Variants in MOXD1 observed in about 807,000 individuals in gnomAD.
The protein encoded by MOXD1 is monooxygenase DBH like 1.
In MOXD1, 62 loss-of-function variants were observed where a neutral mutation model predicts 66.6. That is an observed-to-expected ratio of 0.93 (90% CI 0.76 to 1.15). MOXD1 has a LOEUF of 1.15. MOXD1 is among the 50% of genes most tolerant of loss of function. The pLI, the probability that MOXD1 is intolerant of heterozygous loss-of-function variation, is 0.00. For synonymous variants in MOXD1, 303 were observed against 281.9 expected, an observed-to-expected ratio of 1.07 and a Z score of -0.75; for missense variants, 847 against 754.6, an observed-to-expected ratio of 1.12 and a Z score of -1.44.
intron 4 of MOXD1, among the ~76,000 whole-genome samples, chr6:132,352,911 G>A (rs1290498558): frequency 2.6e-5 from 4 of 152,038 alleles, no homozygotes; most frequent in Admixed American, 2.0e-4. Flanking sequence ...TTTAACTGCT[G>A]TTGCTTGTTG....
intron 8 of MOXD1, 123 bp downstream of exon 8, chr6:132,322,556 G>A (rs1353541724): frequency 3.4e-6 from 3 of 874,934 alleles, no homozygotes; most frequent in Middle Eastern, 3.5e-4. Flanking sequence ...CCCACAGTGG[G>A]TGGTGTTAAG....
chr6:132,332,107 A>G (rs1775332236), intron 4 of MOXD1, among the ~76,000 whole-genome samples: 1 of 152,220 alleles, frequency 6.6e-6, no homozygotes, highest in African/African-American at 2.4e-5. Flanking sequence ...AGACAGACCC[A>G]TGGCCTTTCA....
chr6:132,311,471 A>C (rs1774829202), intron 10 of MOXD1, among the ~76,000 whole-genome samples: 1 of 151,734 alleles, frequency 6.6e-6, no homozygotes, highest in South Asian at 2.1e-4. Context: ...GAAAAATATG[A>C]AAGTATAAAC....
chr6:132,384,979 C>T (rs1189028404), intron 1 of MOXD1, among the ~76,000 whole-genome samples: 1 of 152,082 alleles, frequency 6.6e-6, no homozygotes, highest in African/African-American at 2.4e-5. Flanking sequence ...TGGCAGTGGT[C>T]CTGCAGGTTC....
chr6:132,383,613 A>T (rs554486042), intron 1 of MOXD1, among the ~76,000 whole-genome samples: 13 of 152,328 alleles, frequency 8.5e-5, no homozygotes, highest in African/African-American at 2.9e-4. Flanking sequence ...ATAATGTAAT[A>T]CCTTGCTATA....
chr6:132,385,491 TA>T (rs1482224443), intron 1 of MOXD1, among the ~76,000 whole-genome samples: 34 of 147,854 alleles, frequency 2.3e-4, no homozygotes, highest in South Asian at 1.5e-3. Context: ...TTATTATTAT[TA>T]TTATTATTAG....
At chr6:132,356,696 A>C (rs1775916172) in intron 4 of MOXD1, among the ~76,000 whole-genome samples, 1 of 152,138 alleles carries the variant, frequency 6.6e-6, no homozygotes, top group African/African-American at 2.4e-5. Context: ...ATTAAAAATA[A>C]TGTGTTATAA....
chr6:132,389,189 C>T (rs1776707939), intron 1 of MOXD1, among the ~76,000 whole-genome samples: 1 of 151,304 alleles, frequency 6.6e-6, no homozygotes, highest in East Asian at 1.9e-4. Context: ...TAAGCATGAG[C>T]CACTGTGCCC....
At chr6:132,398,546 G>A (rs1308555737) in intron 1 of MOXD1, among the ~76,000 whole-genome samples, 1 of 152,146 alleles carries the variant, frequency 6.6e-6, no homozygotes, top group Non-Finnish European at 1.5e-5. Flanking sequence ...GGGAGCCAAT[G>A]TTTTTTGTGT....
At chr6:132,373,078 T>C in intron 2 of MOXD1, 81 bp from the exon 3 acceptor site, 1 of 1,316,516 alleles carries the variant, frequency 7.6e-7, no homozygotes, top group African/African-American at 1.5e-5. Context: ...AACTCTATTG[T>C]AAACAAGATA....
chr6:132,338,584 C>T (rs1775486815), intron 4 of MOXD1, among the ~76,000 whole-genome samples: 1 of 152,302 alleles, frequency 6.6e-6, no homozygotes, highest in African/African-American at 2.4e-5. Flanking sequence ...ACTCTCCCCA[C>T]CAGCCAACCC....
In MOXD1 at chr6:132,320,708, G is replaced by A. The variant is rs550236585; in HGVS notation, c.1306-20C>T. The A allele has an allele frequency of 8.1e-6, 13 of 1,597,082 alleles. No homozygotes were observed. Among genetic ancestry groups the A allele is most frequent in the Non-Finnish European group, 1.1e-5 (13 of 1,171,534 alleles). The stretch of plus-strand genomic sequence containing the variant: ...ATCTCCCTGAAACATAAAAGCAAAA[G>A]CTTTCAGATTGAAGTTTTATGCTGG... On this transcript the variant is annotated intron_variant, in intron 8 of 11. Coordinates refer to ENST00000367963, the MANE Select transcript of MOXD1 (RefSeq NM_015529.4).
chr6:132,375,049 C>T (rs983241466), intron 1 of MOXD1: 1 of 531,280 alleles, frequency 1.9e-6, no homozygotes, highest in Non-Finnish European at 3.3e-6. Flanking sequence ...CATTGTGTGC[C>T]TTTCCTTCCT....
rs145840788 is a variant in MOXD1, at chr6:132,376,352, A to T, written c.265-1575T>A. On this transcript the variant is annotated intron_variant, in intron 1 of 11. Coordinates refer to ENST00000367963, the MANE Select transcript of MOXD1 (RefSeq NM_015529.4). ...GATGGCATTTGGCATTTTTATTCCA[A>T]GCATCTTTGTATGGTAATTATAAGT... Among the ~76,000 whole-genome samples the T allele has an allele frequency of 2.8e-3, 427 of 152,296 alleles. 16 individuals are homozygous for T. In the East Asian group the frequency reaches 0.069, roughly 25 times the overall value.
chr6:132,345,855 A>G (rs920950142), intron 4 of MOXD1, among the ~76,000 whole-genome samples: 3 of 152,064 alleles, frequency 2.0e-5, no homozygotes, highest in Non-Finnish European at 4.4e-5. Flanking sequence ...CAAGATTGAC[A>G]GACCAAATGA....
chr6:132,359,430 G>C (rs867425531), intron 4 of MOXD1, among the ~76,000 whole-genome samples: 1 of 149,742 alleles, frequency 6.7e-6, no homozygotes, highest in Middle Eastern at 3.5e-3. Context: ...TAAGAGGCTG[G>C]TTTTATTTCT....
chr6:132,338,413 C>G (rs1310082721), intron 4 of MOXD1, among the ~76,000 whole-genome samples: 1 of 152,168 alleles, frequency 6.6e-6, no homozygotes, highest in Non-Finnish European at 1.5e-5. Context: ...TTGCAGAGAA[C>G]TAGTGCCACA....
chr6:132,380,278 T>G (rs1268816097), intron 1 of MOXD1, among the ~76,000 whole-genome samples: 1 of 152,240 alleles, frequency 6.6e-6, no homozygotes, highest in African/African-American at 2.4e-5. Context: ...AGTCTATAAT[T>G]TAGAGTCCAG....
At position 132,323,353 on chromosome 6, in the gene MOXD1, A is replaced by G. The variant is rs963062911; in HGVS notation, c.1114-483T>C. 3.9e-5 allele frequency among the ~76,000 whole-genome samples: 6 copies of G among 152,340 alleles called. 1 individual carries two copies. In the East Asian group the frequency reaches 1.2e-3, roughly 29 times the overall value. On this transcript the variant is annotated intron_variant, in intron 7 of 11. Coordinates refer to ENST00000367963, the MANE Select transcript of MOXD1 (RefSeq NM_015529.4). Reference sequence around the variant, plus strand: ...TATGGCCTAAATAACTCAGAAGAGCATAATCTTTCCACTTCACCAGTCTGC... The same window carrying G: ...TATGGCCTAAATAACTCAGAAGAGCGTAATCTTTCCACTTCACCAGTCTGC...
Sources: allele counts gnomAD v4.1 joint callset (sites outside exome capture counted in the v4.1 genomes callset), GRCh38; gene constraint gnomAD v4.1.1; transcripts MANE v1.5; gene names NCBI Gene and HGNC (gene_info 2026-07-23, HGNC 2026-07-21).